ATG7: variants seen among roughly 807,000 people sequenced by gnomAD.
The protein encoded by ATG7 is ubiquitin-like modifier-activating enzyme ATG7.
In ATG7, 70 loss-of-function variants were observed where a neutral mutation model predicts 82.4. The observed-to-expected ratio is 0.85, with a 90% CI of 0.70 to 1.04. ATG7 has a LOEUF of 1.04. ATG7 is among the 50% of genes least tolerant of loss of function. The pLI is 0.00. For missense variants in ATG7, 792 were observed against 864.3 expected, an observed-to-expected ratio of 0.92 and a Z score of 1.05; for synonymous variants, 287 against 313.0, an observed-to-expected ratio of 0.92 and a Z score of 0.88.
the ATG7 span, among the ~76,000 whole-genome samples, chr3:11,568,422 C>T: frequency 3.3e-5 from 5 of 152,180 alleles, no homozygotes; most frequent in African/African-American, 4.8e-5. The surrounding 1 kb of genome is among the most constrained non-coding windows in gnomAD (Gnocchi z 5.9). Flanking sequence ...TCCCACAGCC[C>T]CACTGTGCGC....
chr3:11,322,803 G>A (rs1309673356), intron 9 of ATG7, among the ~76,000 whole-genome samples: 10 of 152,098 alleles, frequency 6.6e-5, no homozygotes, highest in East Asian at 3.9e-4. Context: ...GAATTACTGC[G>A]TTACAGAGTT....
At chr3:11,433,868 A>G (rs1249007618) in intron 20 of ATG7, among the ~76,000 whole-genome samples, 1 of 152,216 alleles carries the variant, frequency 6.6e-6, no homozygotes, top group Non-Finnish European at 1.5e-5. Flanking sequence ...AAAGAAAGCA[A>G]CAACCATAAC....
chr3:11,515,448 C>G (rs1343488325), intron 20 of ATG7, among the ~76,000 whole-genome samples: 1 of 152,166 alleles, frequency 6.6e-6, no homozygotes, highest in African/African-American at 2.4e-5. Context: ...GGATTACAGG[C>G]CCGTGCCACC....
chr3:11,361,775 A>C (rs1476570780), intron 16 of ATG7, among the ~76,000 whole-genome samples: 1 of 152,230 alleles, frequency 6.6e-6, no homozygotes, highest in Non-Finnish European at 1.5e-5. Flanking sequence ...TGCTTTGAAC[A>C]GCAAGACTAC....
chr3:11,300,715 C>T (rs1325581352), intron 5 of ATG7, among the ~76,000 whole-genome samples: 1 of 152,168 alleles, frequency 6.6e-6, no homozygotes, highest in Admixed American at 6.5e-5. Flanking sequence ...GATACACATT[C>T]AGTGGAAATT....
chr3:11,575,876 G>A, the ATG7 span, among the ~76,000 whole-genome samples: 1 of 152,246 alleles, frequency 6.6e-6, no homozygotes, highest in Non-Finnish European at 1.5e-5. Flanking sequence ...AATGTGTGCA[G>A]GCTTTCCAGA....
At chr3:11,432,412 A>G (rs1370607300) in intron 20 of ATG7, among the ~76,000 whole-genome samples, 1 of 152,172 alleles carries the variant, frequency 6.6e-6, no homozygotes, top group Non-Finnish European at 1.5e-5. Flanking sequence ...TACCACATAA[A>G]TGCCATTTGC....
chr3:11,404,125 A>ATTTTTTTTTTTTTT (rs10591303), intron 19 of ATG7, among the ~76,000 whole-genome samples: 1 of 76,938 alleles, frequency 1.3e-5, no homozygotes, highest in Non-Finnish European at 2.3e-5. Context: ...AACCAGCTCA[A>ATTTTTTTTTTTTTT]TTTTTTTTTT....
chr3:11,371,860 C>G (rs544411529), intron 18 of ATG7, among the ~76,000 whole-genome samples: 1 of 151,314 alleles, frequency 6.6e-6, no homozygotes, highest in Admixed American at 6.6e-5. Context: ...ATCTGCAGCC[C>G]CAACAGGTGT....
chr3:11,340,947 A>G (rs1449725471), intron 12 of ATG7, among the ~76,000 whole-genome samples: 2 of 152,176 alleles, frequency 1.3e-5, no homozygotes, highest in Non-Finnish European at 2.9e-5. Flanking sequence ...TGTTCTAGAC[A>G]TTCTAAATTT....
At chr3:11,573,269 A>AG in the ATG7 span, among the ~76,000 whole-genome samples, 10 of 9,640 alleles carry the variant, frequency 1.0e-3, no homozygotes, top group Non-Finnish European at 1.1e-3. Context: ...GAAAGAAAGA[A>AG]AGAAAGAAAG....
In ATG7 at chr3:11,334,393, C is replaced by T. The variant is rs542507092; in HGVS notation, c.889+1300C>T. Among the ~76,000 whole-genome samples, 40 of 151,818 alleles carry T rather than the reference C, an allele frequency of 2.6e-4. No individual in the cohort carries two copies. In the South Asian group the frequency reaches 3.9e-3, roughly 15 times the overall value. Reference sequence around the variant, plus strand: ...CCAAGAAGCTGGGATTACAGGAGCCCGCCACCATGCCCAGCTAATATTTGT... The same window carrying T: ...CCAAGAAGCTGGGATTACAGGAGCCTGCCACCATGCCCAGCTAATATTTGT... On this transcript the variant is annotated intron_variant, in intron 11 of 20. Coordinates refer to ENST00000693202, the MANE Select transcript of ATG7 (RefSeq NM_001349232.2).
At chr3:11,531,975 A>C (rs528967708) in intron 20 of ATG7, among the ~76,000 whole-genome samples, 1 of 152,224 alleles carries the variant, frequency 6.6e-6, no homozygotes, top group African/African-American at 2.4e-5. Context: ...CATTTTATCA[A>C]ATTTCTCCCA....
rs1356782214 is a variant in ATG7 at position 11,306,985 on chromosome 3, A to G, written c.258A>G (p.Thr86=). The change falls in exon 6 of 21, where the codon ACA becomes ACG. Residue 86 remains threonine, a synonymous_variant. Coordinates refer to ENST00000693202, the MANE Select transcript of ATG7 (RefSeq NM_001349232.2). ...TPARCCPAIG[T]LYNTNTLESF... ...CCCGTTGCTGCCCAGCTATTGGAAC[A>G]CTGTATAACACCAACACACTCGAGT... The G allele has an allele frequency of 6.2e-7, 1 of 1,614,070 alleles. No homozygotes were observed. The highest frequency in any genetic ancestry group is 1.7e-5 in the Admixed American group (1 of 60,014).
intron 20 of ATG7, among the ~76,000 whole-genome samples, chr3:11,476,182 C>T (rs977975167): frequency 5.9e-5 from 9 of 152,160 alleles, no homozygotes; most frequent in Non-Finnish European, 1.2e-4. Flanking sequence ...CCTGTAAGAA[C>T]AGTTTTTGCT....
At chr3:11,465,139 A>G (rs9839851) in intron 20 of ATG7, among the ~76,000 whole-genome samples, 4,632 of 151,420 alleles carry the variant, frequency 0.031, 239 homozygotes, top group African/African-American at 0.11. Flanking sequence ...AGAGTTCTAG[A>G]GCTGAGTGAA....
intron 9 of ATG7, among the ~76,000 whole-genome samples, chr3:11,323,901 G>C (rs558719168): frequency 6.6e-6 from 1 of 152,328 alleles, no homozygotes; most frequent in East Asian, 1.9e-4. Flanking sequence ...GAGTTCTAAA[G>C]ACAGCCATTT....
intron 19 of ATG7, among the ~76,000 whole-genome samples, chr3:11,382,240 A>T (rs912046773): frequency 6.6e-6 from 1 of 152,244 alleles, no homozygotes; most frequent in Non-Finnish European, 1.5e-5. Flanking sequence ...TCATTATCTT[A>T]TTTATTAAAA....
chr3:11,415,503 A>G (rs1477767854), intron 19 of ATG7, among the ~76,000 whole-genome samples: 1 of 152,164 alleles, frequency 6.6e-6, no homozygotes, highest in African/African-American at 2.4e-5. Flanking sequence ...GTACAGCCAT[A>G]CAAAAACATT....
Sources: allele counts gnomAD v4.1 joint callset (sites outside exome capture counted in the v4.1 genomes callset), GRCh38; gene constraint gnomAD v4.1.1; non-coding constraint Gnocchi (gnomAD v3.1); transcripts MANE v1.5; gene names NCBI Gene and HGNC (gene_info 2026-07-23, HGNC 2026-07-21).